FHIP1A: variants seen among roughly 807,000 people sequenced by gnomAD.
FHIP1A encodes the protein FHF complex subunit HOOK interacting protein 1A.
In FHIP1A, 61 loss-of-function variants were observed where a neutral mutation model predicts 88.6. That is an observed-to-expected ratio of 0.69 (90% CI 0.56 to 0.85). FHIP1A has a LOEUF of 0.85. Among genes scored for constraint, FHIP1A ranks in the 40% least tolerant of loss-of-function variants. The probability of loss-of-function intolerance (pLI) is 0.00; values close to 1 mark genes in which losing one functional copy is unlikely to be tolerated. For synonymous variants in FHIP1A, 478 were observed against 496.0 expected (o/e 0.96, Z 0.48); for missense variants, 1,154 against 1,273.5 (o/e 0.91, Z 1.43).
chr4:151,631,399 A>G (rs543688849), intron 8 of FHIP1A, among the ~76,000 whole-genome samples: 1 of 152,144 alleles, frequency 6.6e-6, no homozygotes, highest in Non-Finnish European at 1.5e-5. Flanking sequence ...GAAAGACACA[A>G]ACTTATGAAA....
chr4:151,424,988 A>G (rs1414214693), intron 1 of FHIP1A, among the ~76,000 whole-genome samples: 5 of 152,210 alleles, frequency 3.3e-5, no homozygotes, highest in Non-Finnish European at 4.4e-5. Flanking sequence ...TGCTAAAATT[A>G]TTAAGTTAAA....
intron 1 of FHIP1A, among the ~76,000 whole-genome samples, chr4:151,442,931 C>CA (rs1728463128): frequency 6.6e-6 from 1 of 152,034 alleles, no homozygotes; most frequent in Non-Finnish European, 1.5e-5. Context: ...TCTCTATAAT[C>CA]ACTTTATTTT....
chr4:151,621,187 C>T (rs1249794660), intron 7 of FHIP1A, among the ~76,000 whole-genome samples: 1 of 152,086 alleles, frequency 6.6e-6, no homozygotes, highest in African/African-American at 2.4e-5. Context: ...TTGCTGTCCC[C>T]TCATTTTTGT....
chr4:151,482,730 A>G (rs1729943942), intron 3 of FHIP1A, 82 bp downstream of exon 3: 1 of 151,808 alleles, frequency 6.6e-6, no homozygotes, highest in African/African-American at 2.4e-5. Context: ...TTTTAAAGCA[A>G]GTCTACTTGA....
intron 3 of FHIP1A, among the ~76,000 whole-genome samples, chr4:151,524,302 A>C (rs936453193): frequency 4.1e-4 from 14 of 33,874 alleles, no homozygotes; most frequent in Non-Finnish European, 1.1e-3. Flanking sequence ...AATCTGTCTC[A>C]AAAAAAAAAA....
intron 1 of FHIP1A, among the ~76,000 whole-genome samples, chr4:151,418,185 A>AC (rs1261926532): frequency 2.0e-5 from 3 of 151,210 alleles, no homozygotes; most frequent in Middle Eastern, 3.4e-3. Flanking sequence ...AAAAAAAAAA[A>AC]AAAAAAAAAA....
chr4:151,515,829 A>G (rs1205820935), intron 3 of FHIP1A, among the ~76,000 whole-genome samples: 14 of 152,002 alleles, frequency 9.2e-5, no homozygotes, highest in African/African-American at 3.1e-4. Flanking sequence ...AACATTCCAT[A>G]CTCATGGGTA....
intron 11 of FHIP1A, among the ~76,000 whole-genome samples, chr4:151,651,482 G>A (rs570163778): frequency 6.6e-6 from 1 of 152,214 alleles, no homozygotes; most frequent in African/African-American, 2.4e-5. Context: ...GCAATGGAGG[G>A]TGACAGTGGC....
At chr4:151,510,996 G>A (rs1731008368) in intron 3 of FHIP1A, among the ~76,000 whole-genome samples, 1 of 152,230 alleles carries the variant, frequency 6.6e-6, no homozygotes, top group East Asian at 1.9e-4. Context: ...ATCTTTTGGG[G>A]GAAGTATACA....
chr4:151,622,363 A>G (rs1397858774), intron 7 of FHIP1A, among the ~76,000 whole-genome samples: 2 of 152,260 alleles, frequency 1.3e-5, no homozygotes, highest in South Asian at 2.1e-4. Context: ...AAAGATTATG[A>G]GCCTCGACTA....
intron 4 of FHIP1A, among the ~76,000 whole-genome samples, chr4:151,574,388 A>G (rs1733706159): frequency 6.6e-6 from 1 of 152,216 alleles, no homozygotes; most frequent in Non-Finnish European, 1.5e-5. Context: ...TTCATAGCAA[A>G]AAGAGGTCTG....
intron 1 of FHIP1A, among the ~76,000 whole-genome samples, chr4:151,445,970 GA>G (rs1487602952): frequency 6.6e-6 from 1 of 151,206 alleles, no homozygotes; most frequent in Non-Finnish European, 1.5e-5. Context: ...AGATTGCTAT[GA>G]AGGTAGCGCT....
chr4:151,442,449 G>A (rs1489569279), intron 1 of FHIP1A, among the ~76,000 whole-genome samples: 1 of 152,170 alleles, frequency 6.6e-6, no homozygotes, highest in Non-Finnish European at 1.5e-5. Context: ...GAAATAGAAA[G>A]TCAAGAATCA....
chr4:151,530,451 A>G (rs1480731240), intron 3 of FHIP1A, among the ~76,000 whole-genome samples: 1 of 152,074 alleles, frequency 6.6e-6, no homozygotes, highest in Non-Finnish European at 1.5e-5. Context: ...TTCCTGATGA[A>G]TCACTCTTTC....
rs114112023 is a variant in FHIP1A, at chr4:151,522,518, A to G, written c.-123+39870A>G. Among the ~76,000 whole-genome samples the G allele has an allele frequency of 9.1e-3, 1,392 of 152,272 alleles. 19 individuals are homozygous for G. Among genetic ancestry groups the G allele is most frequent in the African/African-American group, 0.031 (1,300 of 41,538 alleles). On this transcript the variant is annotated intron_variant, in intron 3 of 13. Transcript: ENST00000435205. ...AGTGGAGGTTTAACCAGGTTGGGAGAGAGGACAGTCACTGCTGGCTGCTGC... is the reference window on the plus strand; with the variant it reads ...AGTGGAGGTTTAACCAGGTTGGGAGGGAGGACAGTCACTGCTGGCTGCTGC...
intron 3 of FHIP1A, among the ~76,000 whole-genome samples, chr4:151,505,395 A>G (rs147475902): frequency 5.6e-4 from 85 of 152,320 alleles, no homozygotes; most frequent in African/African-American, 1.9e-3. Flanking sequence ...GGCTGCTATT[A>G]CCAAATGGCA....
intron 7 of FHIP1A, among the ~76,000 whole-genome samples, chr4:151,627,846 G>T (rs1331457352): frequency 6.6e-6 from 1 of 152,148 alleles, no homozygotes; most frequent in Admixed American, 6.5e-5. Flanking sequence ...AGATCTTTGG[G>T]GCTATCATTC....
rs1201139709 is a variant in FHIP1A at position 151,668,487 on chromosome 4, C to T, written c.*5733C>T. 6.6e-6 allele frequency among the ~76,000 whole-genome samples: 1 copy of T among 152,134 alleles called. No homozygotes were observed. The highest frequency in any genetic ancestry group is 1.5e-5 in the Non-Finnish European group (1 of 68,024). ...GGTGGGGGAGCTCAGCTAAAATATC[C>T]TTACTTTGGTGCAATAATGATCTAG... On this transcript the variant is annotated 3_prime_UTR_variant, in exon 14 of 14. Coordinates refer to ENST00000435205, the MANE Select transcript of FHIP1A (RefSeq NM_001109977.3).
intron 3 of FHIP1A, among the ~76,000 whole-genome samples, chr4:151,528,407 G>A (rs756868898): frequency 7.2e-5 from 11 of 152,184 alleles, no homozygotes; most frequent in Admixed American, 5.9e-4. Context: ...CCCATTGTCC[G>A]TTCTGTCGAA....
Sources: gnomAD v4.1 joint callset for allele counts (sites outside exome capture counted in the v4.1 genomes callset) on GRCh38, gnomAD v4.1.1 for gene constraint, MANE v1.5 for transcripts, NCBI Gene and HGNC (gene_info 2026-07-23, HGNC 2026-07-21) for gene names.